Variants in C10orf67 observed in about 807,000 individuals in gnomAD.
The protein encoded by C10orf67 is chromosome 10 open reading frame 67.
In C10orf67, 60 loss-of-function variants were observed where a neutral mutation model predicts 35.6. The ratio of observed to expected loss-of-function variants is 1.68; its 90% CI spans 1.37 to 2.09. The LOEUF is 2.09. Among genes scored for constraint, C10orf67 ranks in the 30% most tolerant of loss-of-function variants. C10orf67 has a pLI of 0.00. For synonymous variants in C10orf67, 167 were observed against 115.8 expected (o/e 1.44, Z -2.84); for missense variants, 474 against 330.2 (o/e 1.44, Z -3.38).
At chr10:23,313,923 T>C (rs571552759) in intron 4 of C10orf67, among the ~76,000 whole-genome samples, 4 of 151,946 alleles carry the variant, frequency 2.6e-5, no homozygotes, top group South Asian at 2.1e-4. Context: ...ATGGACTTAA[T>C]GAAGACCAAA....
rs1203195058 is a variant in C10orf67 at position 23,203,433 on chromosome 10, G to T, written c.*740C>A. On this transcript the variant is annotated 3_prime_UTR_variant, in exon 16 of 16. Coordinates refer to ENST00000636213, the MANE Select transcript of C10orf67 (RefSeq NM_001371909.1). The stretch of plus-strand genomic sequence containing the variant: ...ACTTAATAAATAACTGTAGAATTCT[G>T]TAATCCAGAGCCTACGATTCAGATA... 3 of 152,180 alleles carry T rather than the reference G, an allele frequency of 2.0e-5. No individual in the cohort carries two copies. Among genetic ancestry groups the T allele is most frequent in the Non-Finnish European group, 4.4e-5 (3 of 68,040 alleles). 9.4% of individuals were successfully genotyped at this position (152,180 alleles called of 1,614,324 possible). A position where few individuals can be genotyped will look rare whatever the true frequency, so the allele number is the denominator to read the frequency against.
intron 4 of C10orf67, among the ~76,000 whole-genome samples, chr10:23,304,593 C>T (rs1844204103): frequency 6.6e-6 from 1 of 152,122 alleles, no homozygotes; most frequent in African/African-American, 2.4e-5. Flanking sequence ...GCAGGAGGCA[C>T]ACCTTTCTAT....
At chr10:23,329,808 A>AAAAG (rs1370886787) in intron 2 of C10orf67, among the ~76,000 whole-genome samples, 1 of 150,060 alleles carries the variant, frequency 6.7e-6, no homozygotes, top group East Asian at 1.9e-4. Flanking sequence ...AAAAAAAAAA[A>AAAAG]AAAAAAAAGA....
chr10:23,263,881 C>G (rs1401624845), intron 10 of C10orf67, among the ~76,000 whole-genome samples: 2 of 152,116 alleles, frequency 1.3e-5, no homozygotes, highest in East Asian at 3.8e-4. Context: ...TGAAATCGTT[C>G]ATTAATAGAA....
chr10:23,257,150 C>G (rs1328379152), intron 10 of C10orf67, among the ~76,000 whole-genome samples: 1 of 152,244 alleles, frequency 6.6e-6, no homozygotes, highest in Middle Eastern at 3.4e-3. Flanking sequence ...GTGGAGGTGT[C>G]CTACTATTGC....
At chr10:23,238,358 T>A (rs1320735441) in intron 13 of C10orf67, among the ~76,000 whole-genome samples, 1 of 152,208 alleles carries the variant, frequency 6.6e-6, no homozygotes, top group Non-Finnish European at 1.5e-5. Flanking sequence ...GAGTATCTCA[T>A]GTGTCAACAT....
At chr10:23,204,950 G>C (rs1420590761) in intron 15 of C10orf67, among the ~76,000 whole-genome samples, 1 of 152,198 alleles carries the variant, frequency 6.6e-6, no homozygotes, top group East Asian at 1.9e-4. Context: ...AAAGCCGGGA[G>C]CGTGGAGAAG....
chr10:23,239,209 C>A (rs1312388039), intron 13 of C10orf67, among the ~76,000 whole-genome samples: 2 of 152,118 alleles, frequency 1.3e-5, no homozygotes, highest in Non-Finnish European at 2.9e-5. Context: ...ATTACCTTAA[C>A]ATTTAGAACC....
intron 5 of C10orf67, among the ~76,000 whole-genome samples, chr10:23,303,017 T>C (rs1018279169): frequency 5.3e-5 from 8 of 152,244 alleles, no homozygotes; most frequent in African/African-American, 1.9e-4. Flanking sequence ...CACACTCTTC[T>C]AGAGTAGGAC....
intron 1 of C10orf67, 79 bp from the exon 2 acceptor site, chr10:23,333,261 G>A (rs1337835338): frequency 7.5e-7 from 1 of 1,332,388 alleles, no homozygotes; most frequent in Non-Finnish European, 1.0e-6. Context: ...CTTTTTTTGT[G>A]TAAATCATAT....
At chr10:23,274,558 T>A (rs1057397235) in intron 8 of C10orf67, among the ~76,000 whole-genome samples, 2 of 152,116 alleles carry the variant, frequency 1.3e-5, no homozygotes, top group Non-Finnish European at 2.9e-5. Context: ...GGAAGAAAAA[T>A]ATGGCTCTAT....
At chr10:23,250,034 TG>T (rs1842407372) in intron 12 of C10orf67, among the ~76,000 whole-genome samples, 1 of 152,148 alleles carries the variant, frequency 6.6e-6, no homozygotes, top group Non-Finnish European at 1.5e-5. Flanking sequence ...AAAATAGATT[TG>T]AGAGGTTGAG....
intron 4 of C10orf67, among the ~76,000 whole-genome samples, chr10:23,312,191 G>A (rs967576058): frequency 1.3e-5 from 2 of 152,068 alleles, no homozygotes; most frequent in East Asian, 1.9e-4. Context: ...TAGTACTTCC[G>A]TAAGACAAAC....
intron 2 of C10orf67, among the ~76,000 whole-genome samples, chr10:23,329,803 A>AAAAAAAAAAG (rs1845367059): frequency 6.7e-6 from 1 of 149,642 alleles, no homozygotes; most frequent in Non-Finnish European, 1.5e-5. Context: ...GTCTCAAAAA[A>AAAAAAAAAAG]AAAAAAAAAA....
At chr10:23,306,111 G>A (rs530927316) in intron 4 of C10orf67, among the ~76,000 whole-genome samples, 1 of 152,254 alleles carries the variant, frequency 6.6e-6, no homozygotes, top group Admixed American at 6.5e-5. Flanking sequence ...TTTGGGACAA[G>A]ATGGATGAAC....
At chr10:23,268,479 A>G (rs1184414556) in intron 8 of C10orf67, among the ~76,000 whole-genome samples, 1 of 152,188 alleles carries the variant, frequency 6.6e-6, no homozygotes, top group Non-Finnish European at 1.5e-5. Context: ...TCTAACCATT[A>G]ATCTCATTGG....
At chr10:23,217,412 T>G (rs1841460303) in intron 15 of C10orf67, among the ~76,000 whole-genome samples, 1 of 152,210 alleles carries the variant, frequency 6.6e-6, no homozygotes, top group Non-Finnish European at 1.5e-5. Flanking sequence ...CATGAATCCA[T>G]GTATAATATC....
chr10:23,293,245 C>G (rs1245617399), intron 5 of C10orf67, among the ~76,000 whole-genome samples: 1 of 152,184 alleles, frequency 6.6e-6, no homozygotes, highest in Non-Finnish European at 1.5e-5. Context: ...GCAAGGAAAA[C>G]ACATTAAATA....
chr10:23,255,643 G>T (rs1183144580), intron 10 of C10orf67, among the ~76,000 whole-genome samples: 1 of 151,978 alleles, frequency 6.6e-6, no homozygotes, highest in African/African-American at 2.4e-5. Context: ...TTGTGACAAG[G>T]TCACTTCAGT....
Sources: gnomAD v4.1 joint callset for allele counts (sites outside exome capture counted in the v4.1 genomes callset) on GRCh38, gnomAD v4.1.1 for gene constraint, MANE v1.5 for transcripts, NCBI Gene and HGNC (gene_info 2026-07-23, HGNC 2026-07-21) for gene names.